The following SHISAL1 variants were observed in gnomAD, a reference collection of about 807,000 sequenced individuals.
SHISAL1 encodes the protein shisa like 1, also known as protein shisa-like-1.
SHISAL1 carries 9 observed loss-of-function variants against 22.6 expected under a neutral mutation model. The ratio of observed to expected loss-of-function variants is 0.40; its 90% CI spans 0.24 to 0.70. SHISAL1 has a LOEUF of 0.70. Among genes scored for constraint, SHISAL1 ranks in the 30% least tolerant of loss-of-function variants. SHISAL1 has a pLI of 0.39. For synonymous variants in SHISAL1, 119 were observed against 115.4 expected (o/e 1.03, Z -0.20); for missense variants, 246 against 270.6 (o/e 0.91, Z 0.64).
Position 44,309,883 on chromosome 22 carries a change from T to C in SHISAL1, c.-33+2868A>G, listed in dbSNP as rs73888993. On this transcript the variant is annotated intron_variant, in intron 1 of 4. Transcript: ENST00000381176. ...TCCAGGAATAAACACTTCTCGAGGC[T>C]CCACGCCTGCATATGAAGTGAGATC... Among the ~76,000 whole-genome samples, 1,170 of 152,326 alleles carry C rather than the reference T, an allele frequency of 7.7e-3. 19 individuals carry two copies. The highest frequency in any genetic ancestry group is 0.027 in the African/African-American group (1,131 of 41,556).
intron 4 of SHISAL1, among the ~76,000 whole-genome samples, chr22:44,250,995 T>A (rs1464069038): frequency 2.6e-5 from 4 of 152,198 alleles, no homozygotes; most frequent in African/African-American, 9.6e-5. Context: ...GGGCTAAGGG[T>A]GAGAGATTCT....
chr22:44,312,369 AT>A (rs1431074789), intron 1 of SHISAL1, among the ~76,000 whole-genome samples: 1 of 152,128 alleles, frequency 6.6e-6, no homozygotes, highest in African/African-American at 2.4e-5. Context: ...TCCCTAGGCC[AT>A]GCCGGACCCT....
At chr22:44,325,110 G>C in the SHISAL1 span, among the ~76,000 whole-genome samples, 1 of 152,116 alleles carries the variant, frequency 6.6e-6, no homozygotes, top group Admixed American at 6.5e-5. Flanking sequence ...GGGCATGGTG[G>C]TGGGCGCCTG....
At chr22:44,263,548 C>T (rs1229518042) in intron 4 of SHISAL1, among the ~76,000 whole-genome samples, 5 of 152,296 alleles carry the variant, frequency 3.3e-5, no homozygotes, top group African/African-American at 9.6e-5. Context: ...TCTGCTGACG[C>T]GATGGAGTTG....
intron 4 of SHISAL1, among the ~76,000 whole-genome samples, chr22:44,262,044 G>A (rs943108049): frequency 2.6e-5 from 4 of 152,232 alleles, no homozygotes; most frequent in East Asian, 1.9e-4. Flanking sequence ...GGCTCGAAGC[G>A]GGTAGGGGAG....
chr22:44,252,326 T>C (rs530684313), intron 4 of SHISAL1, among the ~76,000 whole-genome samples: 1 of 152,288 alleles, frequency 6.6e-6, no homozygotes, highest in South Asian at 2.1e-4. Flanking sequence ...GTAGAAATAT[T>C]CTAATTTTGA....
chr22:44,299,923 GACAGAC>G (rs2055414775), intron 2 of SHISAL1, among the ~76,000 whole-genome samples: 1 of 151,286 alleles, frequency 6.6e-6, no homozygotes, highest in South Asian at 2.1e-4. Flanking sequence ...CAGAAACAGA[GACAGAC>G]ACAGAGACAC....
chr22:44,245,579 A>C lies in SHISAL1; in HGVS notation c.*4106T>G, dbSNP rs921384664. 6.6e-6 allele frequency: 1 copy of C among 152,298 alleles called. No individual in the cohort carries two copies. The highest frequency in any genetic ancestry group is 2.4e-5 in the African/African-American group (1 of 41,458). 9.4% of individuals were successfully genotyped at this position (152,298 alleles called of 1,614,324 possible). A position where few individuals can be genotyped will look rare whatever the true frequency, so the allele number is the denominator to read the frequency against. On this transcript the variant is annotated 3_prime_UTR_variant, in exon 5 of 5. Transcript: ENST00000381176. ...ATGGCACAGTCTCTAATAGACAGAC[A>C]TGGTGATTGTGAAAGCAGCCGAGCC...
chr22:44,292,604 G>T (rs2055360223), intron 3 of SHISAL1, among the ~76,000 whole-genome samples: 1 of 152,212 alleles, frequency 6.6e-6, no homozygotes, highest in African/African-American at 2.4e-5. Context: ...AGGCACAGAG[G>T]TGGACTCTAC....
chr22:44,297,762 G>A (rs919182852), intron 2 of SHISAL1, among the ~76,000 whole-genome samples: 1 of 152,260 alleles, frequency 6.6e-6, no homozygotes, highest in South Asian at 2.1e-4. Flanking sequence ...GCTCTCTCAG[G>A]CTTAATTAGT....
rs1429214154 is a variant in SHISAL1, at chr22:44,306,281, GTGGAGGGGACCTGGGCT to G, written c.-32-5321_-32-5305del. ...AGGAGCTCTGACGACGATGGCGTGT[GTGGAGGGGACCTGGGCT>G]CAGGGAGCTGTGATGACGATGGCAT... On this transcript the variant is annotated intron_variant, in intron 1 of 4. Coordinates refer to ENST00000381176, the MANE Select transcript of SHISAL1 (RefSeq NM_001099294.2). Among the ~76,000 whole-genome samples the G allele has an allele frequency of 1.2e-3, 189 of 151,906 alleles. 3 individuals carry two copies. Among genetic ancestry groups the G allele is most frequent in the African/African-American group, 4.4e-3 (182 of 41,264 alleles).
At chr22:44,273,096 C>CA (rs58469047) in intron 4 of SHISAL1, among the ~76,000 whole-genome samples, 18,397 of 141,566 alleles carry the variant, frequency 0.13, 2,449 homozygotes, top group African/African-American at 0.33. Context: ...ACTCTGTCTC[C>CA]AAAAAAAAAA....
At position 44,291,557 on chromosome 22, in the gene SHISAL1, G is replaced by A. The variant is rs1183878429; in HGVS notation, c.281+5115C>T. ...GTGTTCATTCACTTCCTTCCCCTGG[G>A]GAAGGGCAAAGCTTTGGGGGTCAGA... On this transcript the variant is annotated intron_variant, in intron 3 of 4. Coordinates refer to ENST00000381176, the MANE Select transcript of SHISAL1 (RefSeq NM_001099294.2). Among the ~76,000 whole-genome samples, 7 of 152,010 alleles carry A rather than the reference G, an allele frequency of 4.6e-5. No individual in the cohort carries two copies. The South Asian group carries it at 1.5e-3, about 32-fold the overall frequency.
chr22:44,289,021 G>C (rs1406440492), intron 3 of SHISAL1, among the ~76,000 whole-genome samples: 2 of 152,228 alleles, frequency 1.3e-5, no homozygotes, highest in Non-Finnish European at 2.9e-5. Context: ...GCTGAGAATG[G>C]GCTGGTGACA....
At chr22:44,324,048 CTG>C in the SHISAL1 span, among the ~76,000 whole-genome samples, 1 of 152,124 alleles carries the variant, frequency 6.6e-6, no homozygotes, top group Non-Finnish European at 1.5e-5. Context: ...GGAGTGGAGA[CTG>C]GGATTTGAAA....
upstream of SHISAL1, among the ~76,000 whole-genome samples, chr22:44,315,088 TGAGG>T (rs1277560190): frequency 6.6e-6 from 1 of 152,098 alleles, no homozygotes; most frequent in Non-Finnish European, 1.5e-5. Flanking sequence ...GCTCTCAGGC[TGAGG>T]GATGGGTCAA....
intron 1 of SHISAL1, among the ~76,000 whole-genome samples, chr22:44,305,197 G>T (rs1452796202): frequency 1.3e-5 from 2 of 152,230 alleles, no homozygotes; most frequent in African/African-American, 4.8e-5. Context: ...TTTCATTCAT[G>T]TGTTAATTCA....
chr22:44,302,469 T>C (rs1368164716), intron 1 of SHISAL1, among the ~76,000 whole-genome samples: 1 of 150,440 alleles, frequency 6.6e-6, no homozygotes, highest in Non-Finnish European at 1.5e-5. Flanking sequence ...GTCTGGGGAG[T>C]GGTGCCGAGA....
intron 3 of SHISAL1, 102 bp downstream of exon 3, chr22:44,296,570 T>C (rs1450908090): frequency 2.7e-5 from 26 of 969,004 alleles, no homozygotes; most frequent in Non-Finnish European, 3.7e-5. Flanking sequence ...CCCAACCTTA[T>C]AGCGGTTACC....
Sources: gnomAD v4.1 joint callset for allele counts (sites outside exome capture counted in the v4.1 genomes callset) on GRCh38, gnomAD v4.1.1 for gene constraint, MANE v1.5 for transcripts, NCBI Gene and HGNC (gene_info 2026-07-23, HGNC 2026-07-21) for gene names.